Variants in FOXN3 observed in about 807,000 individuals in gnomAD.
The protein encoded by FOXN3 is forkhead box N3, also known as forkhead box protein N3.
Under a neutral mutation model 38.4 loss-of-function variants are expected in FOXN3, and 7 were observed. The observed-to-expected ratio is 0.18, with a 90% CI of 0.10 to 0.34. FOXN3 has a LOEUF of 0.34. Ranked by LOEUF, FOXN3 falls within the 10% of genes least tolerant of loss-of-function variation. FOXN3 has a pLI of 1.00. For missense variants in FOXN3, 456 were observed against 613.4 expected (o/e 0.74, Z 2.71); for synonymous variants, 230 against 242.2 (o/e 0.95, Z 0.47).
intron 4 of FOXN3, among the ~76,000 whole-genome samples, chr14:89,196,189 TAC>T (rs1888095022): frequency 6.6e-6 from 1 of 152,232 alleles, no homozygotes; most frequent in African/African-American, 2.4e-5. Flanking sequence ...CTTTTGAATG[TAC>T]ACACACAGTT....
At chr14:89,359,328 T>C (rs1327125149) in intron 2 of FOXN3, among the ~76,000 whole-genome samples, 2 of 151,974 alleles carry the variant, frequency 1.3e-5, no homozygotes, top group Non-Finnish European at 2.9e-5. Flanking sequence ...AAATCAGCTC[T>C]TGTTATTATG....
chr14:89,357,663 A>T (rs1300114263), intron 2 of FOXN3, among the ~76,000 whole-genome samples: 1 of 152,318 alleles, frequency 6.6e-6, no homozygotes, highest in Middle Eastern at 3.4e-3. Context: ...AGCAGTTGAC[A>T]CTGGCAATGC....
chr14:89,226,366 C>T (rs1280688521), intron 4 of FOXN3, among the ~76,000 whole-genome samples: 1 of 152,104 alleles, frequency 6.6e-6, no homozygotes, highest in Non-Finnish European at 1.5e-5. Flanking sequence ...GCTGGGACTA[C>T]AGGCATGTAC....
chr14:89,336,162 ACACACAC>A (rs772287414), intron 3 of FOXN3, among the ~76,000 whole-genome samples: 289 of 146,156 alleles, frequency 2.0e-3, no homozygotes, highest in Non-Finnish European at 3.2e-3. Context: ...ACACACACAC[ACACACAC>A]ACATTCATAA....
chr14:89,257,453 T>G (rs762007149), intron 4 of FOXN3, among the ~76,000 whole-genome samples: 2 of 152,012 alleles, frequency 1.3e-5, no homozygotes, highest in Non-Finnish European at 2.9e-5. Flanking sequence ...TAGAGAAATC[T>G]TCTAAGAACA....
intron 1 of FOXN3, among the ~76,000 whole-genome samples, chr14:89,464,050 C>T (rs1892918525): frequency 2.0e-5 from 3 of 151,314 alleles, no homozygotes; most frequent in Admixed American, 2.0e-4. Context: ...CCCCAAAGTG[C>T]TGGGATTACA....
intron 3 of FOXN3, among the ~76,000 whole-genome samples, chr14:89,291,935 G>A (rs1164181408): frequency 1.3e-5 from 2 of 152,070 alleles, no homozygotes; most frequent in Admixed American, 1.3e-4. Flanking sequence ...AACCAAAAAT[G>A]TTTCCAGTTA....
chr14:89,358,301 ACTC>A (rs1375605759), intron 2 of FOXN3, among the ~76,000 whole-genome samples: 1 of 152,098 alleles, frequency 6.6e-6, no homozygotes, highest in African/African-American at 2.4e-5. Flanking sequence ...GAGACTCACA[ACTC>A]CCAGTTTTAG....
Position 89,342,888 on chromosome 14 carries a change from A to G in FOXN3, c.680+7784T>C, listed in dbSNP as rs1275204277. ...GTGTATTGAATATGAGGGGCATTTA[A>G]AAAACTATTTCGGGTTTCCATCAAA... On this transcript the variant is annotated intron_variant, in intron 3 of 5. Coordinates refer to ENST00000557258, the MANE Select transcript of FOXN3 (RefSeq NM_005197.4). Among the ~76,000 whole-genome samples the G allele has an allele frequency of 2.0e-5, 3 of 152,364 alleles. No homozygotes were observed. In the East Asian group the frequency reaches 5.8e-4, roughly 29 times the overall value.
intron 1 of FOXN3, among the ~76,000 whole-genome samples, chr14:89,514,405 A>C (rs1040129690): frequency 6.6e-6 from 1 of 152,338 alleles, no homozygotes; most frequent in African/African-American, 2.4e-5. Flanking sequence ...CTCCTTCCTA[A>C]GGTGAACCTC....
chr14:89,473,754 T>C (rs1263889476), intron 1 of FOXN3, among the ~76,000 whole-genome samples: 1 of 152,354 alleles, frequency 6.6e-6, no homozygotes, highest in South Asian at 2.1e-4. Flanking sequence ...ATTTTCCTGG[T>C]AAATCCAGAG....
At chr14:89,313,733 G>A (rs1327759688) in intron 3 of FOXN3, among the ~76,000 whole-genome samples, 1 of 152,094 alleles carries the variant, frequency 6.6e-6, no homozygotes, top group Non-Finnish European at 1.5e-5. Flanking sequence ...CAACCCAAAT[G>A]TCCCTCGATG....
At chr14:89,298,290 CGGG>C (rs1164830238) in intron 3 of FOXN3, among the ~76,000 whole-genome samples, 1 of 151,724 alleles carries the variant, frequency 6.6e-6, no homozygotes, top group Non-Finnish European at 1.5e-5. Flanking sequence ...TGGAGGGGAA[CGGG>C]GGGAGTGGTT....
chr14:89,263,260 C>T (rs1314585869), intron 4 of FOXN3, among the ~76,000 whole-genome samples: 1 of 152,036 alleles, frequency 6.6e-6, no homozygotes, highest in African/African-American at 2.4e-5. Context: ...CAAGTTTTTG[C>T]TGAAGGGTTT....
chr14:89,588,500 C>T (rs1158353827), intron 1 of FOXN3, among the ~76,000 whole-genome samples: 1 of 152,118 alleles, frequency 6.6e-6, no homozygotes, highest in Non-Finnish European at 1.5e-5. Flanking sequence ...CCGATAGCAC[C>T]AAGATAAAGG....
At chr14:89,365,736 CG>C (rs1308303858) in intron 2 of FOXN3, among the ~76,000 whole-genome samples, 5 of 152,138 alleles carry the variant, frequency 3.3e-5, no homozygotes, top group African/African-American at 1.2e-4. Context: ...AGCTAAAAAG[CG>C]GATCGTTTTA....
At chr14:89,276,011 T>G (rs1886289217) in intron 4 of FOXN3, among the ~76,000 whole-genome samples, 1 of 152,176 alleles carries the variant, frequency 6.6e-6, no homozygotes. Context: ...GCACAGTGGC[T>G]TAAGCATGTA....
chr14:89,260,145 G>A (rs768196786), intron 4 of FOXN3, among the ~76,000 whole-genome samples: 1 of 152,158 alleles, frequency 6.6e-6, no homozygotes, highest in East Asian at 1.9e-4. Flanking sequence ...TATAATCCTG[G>A]GAATTCCAAA....
chr14:89,276,101 T>A (rs10151253), intron 4 of FOXN3, among the ~76,000 whole-genome samples: 106,395 of 151,942 alleles, frequency 0.7, 38,226 homozygotes, highest in Non-Finnish European at 0.77. Flanking sequence ...ACACAGCAAA[T>A]CCCCATCTCT....
Sources: allele counts gnomAD v4.1 joint callset (sites outside exome capture counted in the v4.1 genomes callset), GRCh38; gene constraint gnomAD v4.1.1; transcripts MANE v1.5; gene names NCBI Gene and HGNC (gene_info 2026-07-23, HGNC 2026-07-21).